NECTIN3: variants seen among roughly 807,000 people sequenced by gnomAD.
NECTIN3 encodes nectin-3.
NECTIN3 carries 8 observed loss-of-function variants against 49.4 expected under a neutral mutation model. The ratio of observed to expected loss-of-function variants is 0.16; its 90% CI spans 0.10 to 0.29. NECTIN3 has a LOEUF of 0.29. NECTIN3 is among the 10% of genes least tolerant of loss of function. NECTIN3 has a pLI of 1.00. For missense variants in NECTIN3, 581 were observed against 654.6 expected (o/e 0.89, Z 1.23); for synonymous variants, 277 against 241.1 (o/e 1.15, Z -1.38).
Position 111,176,099 on chromosome 3 carries a change from G to A in NECTIN3, c.1222-16252G>A, listed in dbSNP as rs537290885. 3.9e-5 allele frequency among the ~76,000 whole-genome samples: 6 copies of A among 152,230 alleles called. No individual in the cohort carries two copies. The East Asian group carries it at 1.2e-3, about 29-fold the overall frequency. ...AGTTATTAGCCTGTTTTAGGGGCCA[G>A]AAGAAAATACCCAAACTCTATTTGG... is the stretch of plus-strand genomic sequence containing the variant. On this transcript the variant is annotated intron_variant, in intron 7 of 8. Transcript: ENST00000493615.
chr3:111,087,251 G>A (rs2031984857), intron 1 of NECTIN3, among the ~76,000 whole-genome samples: 2 of 152,132 alleles, frequency 1.3e-5, no homozygotes, highest in African/African-American at 4.8e-5. Flanking sequence ...GACATCCAGT[G>A]TGATATTAAA....
upstream of NECTIN3, among the ~76,000 whole-genome samples, chr3:111,190,261 A>T (rs993623840): frequency 6.6e-6 from 1 of 152,226 alleles, no homozygotes; most frequent in Non-Finnish European, 1.5e-5. Context: ...CTGTAGAATT[A>T]TGCTGACTTT....
chr3:111,078,509 C>T (rs1426888191), intron 1 of NECTIN3, among the ~76,000 whole-genome samples: 1 of 152,108 alleles, frequency 6.6e-6, no homozygotes, highest in Non-Finnish European at 1.5e-5. Context: ...GGAAAGTTAA[C>T]AATGTGAATT....
chr3:111,137,092 A>G lies in NECTIN3; in HGVS notation c.*2877A>G, dbSNP rs1397554982. 2.0e-6 allele frequency: 2 copies of G among 983,100 alleles called. No individual in the cohort carries two copies. Among genetic ancestry groups the G allele is most frequent in the Non-Finnish European group, 1.2e-6 (1 of 828,054 alleles). 60.9% of individuals were successfully genotyped at this position (983,100 alleles called of 1,614,324 possible). On this transcript the variant is annotated 3_prime_UTR_variant, in exon 6 of 6. Transcript: ENST00000485303. ...TTTTGCATTAAGGAGCTGTAGGAGT[A>G]CAGTGTATAAGTACAGAAATTGAGA...
chr3:111,096,083 C>T (rs1201401785), intron 1 of NECTIN3, among the ~76,000 whole-genome samples: 1 of 152,120 alleles, frequency 6.6e-6, no homozygotes, highest in Non-Finnish European at 1.5e-5. Context: ...TTGAAACTTC[C>T]TAGAGACTTG....
chr3:111,129,007 ATCTC>A (rs1347537841), intron 5 of NECTIN3, among the ~76,000 whole-genome samples: 1 of 152,128 alleles, frequency 6.6e-6, no homozygotes, highest in Non-Finnish European at 1.5e-5. Flanking sequence ...CTTCCAGATG[ATCTC>A]TCTAATTTCA....
At chr3:111,169,079 C>CTTT (rs142606359) in intron 7 of NECTIN3, among the ~76,000 whole-genome samples, 1,050 of 104,144 alleles carry the variant, frequency 0.01, 211 homozygotes, top group African/African-American at 0.044. Flanking sequence ...ACTATTCAAA[C>CTTT]TTTTTTTTTT....
intron 7 of NECTIN3, among the ~76,000 whole-genome samples, chr3:111,159,064 A>G (rs1231484164): frequency 6.6e-6 from 1 of 152,224 alleles, no homozygotes; most frequent in Non-Finnish European, 1.5e-5. Flanking sequence ...GCTGACATTA[A>G]GACTGACTGA....
intron 7 of NECTIN3, chr3:111,147,568 T>C (rs1043794380): frequency 9.7e-6 from 11 of 1,130,500 alleles, no homozygotes; most frequent in Admixed American, 9.4e-5. Flanking sequence ...TTTCAAAATG[T>C]TGTTTAGTCA....
At chr3:111,144,639 G>A (rs920234357) in intron 5 of NECTIN3, among the ~76,000 whole-genome samples, 1 of 151,360 alleles carries the variant, frequency 6.6e-6, no homozygotes, top group Non-Finnish European at 1.5e-5. Context: ...TTTACATATC[G>A]AGAATATATT....
chr3:111,130,724 T>C (rs2034355966), intron 5 of NECTIN3, among the ~76,000 whole-genome samples: 1 of 152,100 alleles, frequency 6.6e-6, no homozygotes, highest in Non-Finnish European at 1.5e-5. Context: ...AGGTTTTTGA[T>C]TTAGGATTGC....
chr3:111,160,052 C>A lies in NECTIN3; in HGVS notation c.1221+12568C>A, dbSNP rs138060476. 2.4e-3 allele frequency among the ~76,000 whole-genome samples: 372 copies of A among 152,204 alleles called. 2 individuals are homozygous for A. The highest frequency in any genetic ancestry group is 8.5e-3 in the African/African-American group (351 of 41,528). On this transcript the variant is annotated intron_variant, in intron 7 of 8. Transcript: ENST00000493615. ...TTCCTTATATAATGTAGTTTATCTC[C>A]GCTCACTGGTCCCTCTATTTCATTG...
intron 7 of NECTIN3, among the ~76,000 whole-genome samples, chr3:111,178,523 ACT>A (rs1303517197): frequency 6.6e-6 from 1 of 152,062 alleles, no homozygotes; most frequent in Non-Finnish European, 1.5e-5. Context: ...AGAATGGGAA[ACT>A]CTCAGAGTCT....
intron 7 of NECTIN3, among the ~76,000 whole-genome samples, chr3:111,155,756 T>A (rs1238061600): frequency 6.6e-6 from 1 of 152,188 alleles, no homozygotes; most frequent in Non-Finnish European, 1.5e-5. Flanking sequence ...TATGGACTTT[T>A]GAGAGAATAA....
At chr3:111,131,075 A>T (rs1304691954) in intron 5 of NECTIN3, among the ~76,000 whole-genome samples, 2 of 152,066 alleles carry the variant, frequency 1.3e-5, no homozygotes, top group South Asian at 2.1e-4. Context: ...TATTTCATAT[A>T]TTTAAACACC....
chr3:111,192,637 TG>T (rs1290106793), intron 1 of NECTIN3, among the ~76,000 whole-genome samples: 1 of 152,036 alleles, frequency 6.6e-6, no homozygotes, highest in Non-Finnish European at 1.5e-5. Context: ...CAGAACATCA[TG>T]GGGGGTTCAT....
At chr3:111,100,971 A>G (rs114016406) in intron 1 of NECTIN3, among the ~76,000 whole-genome samples, 12 of 152,148 alleles carry the variant, frequency 7.9e-5, no homozygotes, top group East Asian at 1.9e-4. Flanking sequence ...AAAACATTCA[A>G]TTTTACTCAT....
intron 1 of NECTIN3, among the ~76,000 whole-genome samples, chr3:111,103,314 AT>A (rs2033009744): frequency 6.6e-6 from 1 of 152,124 alleles, no homozygotes; most frequent in South Asian, 2.1e-4. Context: ...TCAGAATTGT[AT>A]AGTTTTCTGC....
rs568289976 is a variant in NECTIN3, at chr3:111,111,193, G to C, written c.161-837G>C. Among the ~76,000 whole-genome samples, 4 of 152,194 alleles carry C rather than the reference G, an allele frequency of 2.6e-5. No individual in the cohort carries two copies. In the East Asian group the frequency reaches 7.7e-4, roughly 29 times the overall value. ...CTTGTCAATGAGCAGCATCGTGCTT[G>C]ACTATAGTAGTCATGAATGTTAGCT... On this transcript the variant is annotated intron_variant, in intron 1 of 5. Transcript: ENST00000485303.
Sources: allele counts gnomAD v4.1 joint callset (sites outside exome capture counted in the v4.1 genomes callset), GRCh38; gene constraint gnomAD v4.1.1; transcripts MANE v1.5; gene names NCBI Gene and HGNC (gene_info 2026-07-23, HGNC 2026-07-21).